ATP10A: variants seen among roughly 807,000 people sequenced by gnomAD.
ATP10A encodes the protein phospholipid-transporting ATPase VA.
In ATP10A, 111 loss-of-function variants were observed where a neutral mutation model predicts 147.8. The ratio of observed to expected loss-of-function variants is 0.75; its 90% confidence interval spans 0.64 to 0.88. ATP10A has a LOEUF of 0.88. Ranked by LOEUF, ATP10A falls within the 40% of genes least tolerant of loss-of-function variation. The pLI is 0.00. For synonymous variants in ATP10A, 875 were observed against 841.6 expected, an observed-to-expected ratio of 1.04 and a Z score of -0.69; for missense variants, 1,927 against 1,959.0, an observed-to-expected ratio of 0.98 and a Z score of 0.31.
chr15:25,810,711 G>A (rs909838057), intron 1 of ATP10A, among the ~76,000 whole-genome samples: 2 of 152,164 alleles, frequency 1.3e-5, no homozygotes, highest in East Asian at 1.9e-4. Flanking sequence ...AGGACGAGGA[G>A]CCCAGGGCTG....
intron 2 of ATP10A, among the ~76,000 whole-genome samples, chr15:25,763,896 CTG>C (rs1567365276): frequency 6.6e-6 from 1 of 152,216 alleles, no homozygotes; most frequent in African/African-American, 2.4e-5. Context: ...GATAACCTCT[CTG>C]TGTCTTCTTT....
At chr15:25,826,973 CT>C (rs1781316832) in intron 1 of ATP10A, among the ~76,000 whole-genome samples, 1 of 152,092 alleles carries the variant, frequency 6.6e-6, no homozygotes, top group African/African-American at 2.4e-5. Context: ...GCCCAAAACC[CT>C]ACATTCGGTA....
At chr15:25,833,999 C>A (rs1892484359) in intron 1 of ATP10A, among the ~76,000 whole-genome samples, 2 of 150,920 alleles carry the variant, frequency 1.3e-5, no homozygotes, top group African/African-American at 2.4e-5. Flanking sequence ...AAAAAAAAAA[C>A]AAACTACTCT....
In ATP10A at chr15:25,821,684, A is replaced by C. The variant is rs115968645; in HGVS notation, c.450-40461T>G. Among the ~76,000 whole-genome samples, 383 of 152,322 alleles carry C rather than the reference A, an allele frequency of 2.5e-3. 3 individuals carry two copies. The highest frequency in any genetic ancestry group is 8.6e-3 in the African/African-American group (358 of 41,580). On this transcript the variant is annotated intron_variant, in intron 1 of 20. Transcript: ENST00000555815. ...CCAGGTCAAAACAAATAATGAAGTC[A>C]ATGGTCACACTCTTTAGAGCAGAAA...
intron 1 of ATP10A, among the ~76,000 whole-genome samples, chr15:25,818,427 A>T (rs1596948543): frequency 6.6e-6 from 1 of 152,306 alleles, no homozygotes; most frequent in African/African-American, 2.4e-5. Context: ...AAAACTACAA[A>T]ACATTAATAA....
Position 25,695,033 on chromosome 15 carries a change from G to C in ATP10A, c.2874C>G (p.Cys958Trp). 1 of 1,614,202 alleles carries C rather than the reference G, an allele frequency of 6.2e-7. No individual in the cohort carries two copies. Among genetic ancestry groups the C allele is most frequent in the Non-Finnish European group, 8.5e-7 (1 of 1,180,042 alleles). Residue 958 changes from cysteine to tryptophan, a missense_variant, in exon 14 of 21, where the codon TGC (cysteine) becomes TGG (tryptophan). Cys to Trp is a radical substitution (Grantham distance 215). Transcript: ENST00000555815. ...CAGAGGCAGTGGACGTGGAGGGTGG[G>C]CAGAGAGAGGAGAACCTCATGCTCA... ...GKVSMRFSSL[C>W]PPSTSTASGR...
intron 1 of ATP10A, among the ~76,000 whole-genome samples, chr15:25,850,985 T>A (rs894814483): frequency 4.6e-5 from 7 of 152,182 alleles, no homozygotes; most frequent in African/African-American, 1.4e-4. Context: ...AGCAGTGGTT[T>A]CCATGCCAGA....
At chr15:25,831,560 A>G (rs74767497) in intron 1 of ATP10A, among the ~76,000 whole-genome samples, 6,165 of 152,308 alleles carry the variant, frequency 0.04, 133 homozygotes, top group South Asian at 0.059. Flanking sequence ...GTCTTCACAG[A>G]TTCAGCTAAA....
At chr15:25,824,503 C>T (rs1446288874) in intron 1 of ATP10A, among the ~76,000 whole-genome samples, 2 of 148,006 alleles carry the variant, frequency 1.4e-5, no homozygotes, top group Non-Finnish European at 1.5e-5. Context: ...AAAGAAAAAA[C>T]ATTTCTCAAC....
intron 13 of ATP10A, among the ~76,000 whole-genome samples, chr15:25,701,337 G>A (rs1309696105): frequency 2.0e-5 from 3 of 152,210 alleles, no homozygotes; most frequent in Non-Finnish European, 4.4e-5. Context: ...GTCTGAGTGT[G>A]AGCCCCAGAG....
At chr15:25,711,470 G>C (rs1596732855) in intron 10 of ATP10A, among the ~76,000 whole-genome samples, 1 of 152,146 alleles carries the variant, frequency 6.6e-6, no homozygotes, top group East Asian at 1.9e-4. Flanking sequence ...TAACTTCGAG[G>C]GGACTCCAGG....
At chr15:25,836,702 T>A (rs1411166439) in intron 1 of ATP10A, among the ~76,000 whole-genome samples, 1 of 152,162 alleles carries the variant, frequency 6.6e-6, no homozygotes, top group Non-Finnish European at 1.5e-5. Context: ...CCAGGAGCCA[T>A]CCTGAATCCT....
intron 1 of ATP10A, among the ~76,000 whole-genome samples, chr15:25,789,761 G>C (rs562555314): frequency 3.8e-4 from 58 of 152,258 alleles, no homozygotes; most frequent in African/African-American, 1.3e-3. Context: ...GCGCTGTTGA[G>C]ATTTGGGGCT....
At chr15:25,766,038 G>T (rs752889999) in intron 2 of ATP10A, among the ~76,000 whole-genome samples, 1 of 152,220 alleles carries the variant, frequency 6.6e-6, no homozygotes, top group Non-Finnish European at 1.5e-5. Context: ...GTTCCACATA[G>T]CTGGGGAGGC....
intron 7 of ATP10A, 83 bp from the exon 8 acceptor site, chr15:25,718,482 C>T: frequency 7.0e-7 from 1 of 1,424,570 alleles, no homozygotes; most frequent in Non-Finnish European, 9.5e-7. Flanking sequence ...GTTTTAGGTT[C>T]CGCGAGGCTT....
At chr15:25,791,230 C>T (rs758752824) in intron 1 of ATP10A, among the ~76,000 whole-genome samples, 1 of 150,832 alleles carries the variant, frequency 6.6e-6, no homozygotes, top group Non-Finnish European at 1.5e-5. Flanking sequence ...CAGGCGTGCC[C>T]CACCACACTT....
intron 10 of ATP10A, chr15:25,708,529 C>A: frequency 2.1e-6 from 1 of 479,656 alleles, no homozygotes; most frequent in Non-Finnish European, 3.7e-6. Flanking sequence ...CCACGTTGCC[C>A]AGGCTGGTCA....
intron 19 of ATP10A, 145 bp from the exon 20 acceptor site, chr15:25,680,453 G>T (rs1449815435): frequency 1.2e-5 from 11 of 904,704 alleles, no homozygotes; most frequent in Middle Eastern, 5.1e-4. Context: ...CGGGTAACCG[G>T]TGGGGCTCAA....
At chr15:25,673,621 C>T (rs758556877), downstream of ATP10A, among the ~76,000 whole-genome samples, 7 of 152,192 alleles carry the variant, frequency 4.6e-5, no homozygotes, top group Non-Finnish European at 1.0e-4. Flanking sequence ...CAGAGTAGAG[C>T]GTTCTGAAGG....
Sources: allele counts gnomAD v4.1 joint callset (sites outside exome capture counted in the v4.1 genomes callset), GRCh38; gene constraint gnomAD v4.1.1; transcripts MANE v1.5; gene names NCBI Gene and HGNC (gene_info 2026-07-23, HGNC 2026-07-21).